Variants in ENOX1 observed in about 807,000 individuals in gnomAD.
ENOX1 encodes the protein candidate growth-related and time keeping constitutive hydroquinone (NADH) oxidase.
In ENOX1, 42 loss-of-function variants were observed where a neutral mutation model predicts 82.5. The observed-to-expected ratio is 0.51, with a 90% CI of 0.40 to 0.66. The LOEUF (loss-of-function observed/expected upper bound fraction) is 0.66. Among genes scored for constraint, ENOX1 ranks in the 30% least tolerant of loss-of-function variants. The pLI is 0.00. For synonymous variants in ENOX1, 271 were observed against 282.2 expected (o/e 0.96, Z 0.40); for missense variants, 608 against 811.6 (o/e 0.75, Z 3.05).
chr13:43,766,764 C>T (rs1951300498), intron 1 of ENOX1, among the ~76,000 whole-genome samples: 1 of 151,968 alleles, frequency 6.6e-6, no homozygotes, highest in Non-Finnish European at 1.5e-5. Flanking sequence ...AAAAACCATC[C>T]AAAAAAATTA....
At chr13:43,278,884 T>A (rs2045218684) in intron 12 of ENOX1, among the ~76,000 whole-genome samples, 1 of 152,192 alleles carries the variant, frequency 6.6e-6, no homozygotes, top group African/African-American at 2.4e-5. Flanking sequence ...AAGAAAAAAA[T>A]TTTAGTCTGC....
At chr13:43,380,176 C>T (rs1298915953) in intron 5 of ENOX1, among the ~76,000 whole-genome samples, 1 of 150,898 alleles carries the variant, frequency 6.6e-6, no homozygotes, top group Admixed American at 6.6e-5. Context: ...AGGAATTCCT[C>T]TAGGCAGAGA....
intron 1 of ENOX1, among the ~76,000 whole-genome samples, chr13:43,748,109 A>G (rs938050576): frequency 6.6e-6 from 1 of 152,226 alleles, no homozygotes; most frequent in Non-Finnish European, 1.5e-5. Flanking sequence ...TTAATGAAGA[A>G]GCATGTATAT....
intron 2 of ENOX1, among the ~76,000 whole-genome samples, chr13:43,659,196 T>C (rs1307237057): frequency 6.6e-6 from 1 of 152,128 alleles, no homozygotes; most frequent in Non-Finnish European, 1.5e-5. Flanking sequence ...TTTTTTCAGA[T>C]TTATTCTTCT....
At chr13:43,234,576 GA>G (rs1314804709) in intron 15 of ENOX1, among the ~76,000 whole-genome samples, 1 of 152,160 alleles carries the variant, frequency 6.6e-6, no homozygotes, top group East Asian at 1.9e-4. Context: ...GACCAACAGT[GA>G]GGGGAAAAGT....
At chr13:43,302,407 C>T (rs2153511373) in intron 11 of ENOX1, among the ~76,000 whole-genome samples, 1 of 152,204 alleles carries the variant, frequency 6.6e-6, no homozygotes, top group East Asian at 1.9e-4. Flanking sequence ...GTAGCATTCA[C>T]AAGAAGCTTA....
intron 2 of ENOX1, among the ~76,000 whole-genome samples, chr13:43,493,653 T>C (rs1467109431): frequency 6.6e-6 from 1 of 152,212 alleles, no homozygotes; most frequent in East Asian, 1.9e-4. Flanking sequence ...TAATCTCTTC[T>C]GGAAACACCT....
At chr13:43,317,079 C>T (rs540129782) in intron 11 of ENOX1, among the ~76,000 whole-genome samples, 2 of 152,330 alleles carry the variant, frequency 1.3e-5, no homozygotes, top group African/African-American at 4.8e-5. Context: ...TCTATGCTTC[C>T]ACTCAACACA....
chr13:43,315,324 G>A (rs2047416950), intron 11 of ENOX1, among the ~76,000 whole-genome samples: 1 of 152,226 alleles, frequency 6.6e-6, no homozygotes, highest in African/African-American at 2.4e-5. Context: ...GCATCTGCTA[G>A]AATCACAGGT....
At chr13:43,384,457 A>G (rs928335185) in intron 5 of ENOX1, among the ~76,000 whole-genome samples, 2 of 152,202 alleles carry the variant, frequency 1.3e-5, no homozygotes, top group African/African-American at 4.8e-5. Flanking sequence ...GCATCTATAT[A>G]TTATCTTATT....
At chr13:43,692,662 C>T (rs2086424816) in intron 1 of ENOX1, among the ~76,000 whole-genome samples, 1 of 152,080 alleles carries the variant, frequency 6.6e-6, no homozygotes, top group South Asian at 2.1e-4. Context: ...ATGACATGAA[C>T]AGGCATACAA....
chr13:43,754,321 GTGTA>G (rs1370614442), intron 1 of ENOX1, among the ~76,000 whole-genome samples: 1 of 61,318 alleles, frequency 1.6e-5, no homozygotes, highest in Admixed American at 2.0e-4. Flanking sequence ...GTGTGTGTGT[GTGTA>G]TATATATATA....
intron 2 of ENOX1, among the ~76,000 whole-genome samples, chr13:43,519,174 A>C (rs2077666893): frequency 6.6e-6 from 1 of 152,166 alleles, no homozygotes; most frequent in Non-Finnish European, 1.5e-5. Context: ...AAGTTTCCCT[A>C]AGAGGTATTG....
intron 3 of ENOX1, among the ~76,000 whole-genome samples, chr13:43,471,831 A>G (rs909633759): frequency 1.3e-5 from 2 of 148,670 alleles, no homozygotes; most frequent in African/African-American, 5.0e-5. Context: ...AAAAAAAAAG[A>G]AAGAAAGAAA....
chr13:43,330,990 G>C (rs2048380163), intron 9 of ENOX1, among the ~76,000 whole-genome samples: 1 of 152,162 alleles, frequency 6.6e-6, no homozygotes, highest in African/African-American at 2.4e-5. Context: ...CTTACTGATA[G>C]AGAACTTTAC....
At chr13:43,474,131 C>G (rs1325100459) in intron 3 of ENOX1, among the ~76,000 whole-genome samples, 1 of 152,156 alleles carries the variant, frequency 6.6e-6, no homozygotes, top group African/African-American at 2.4e-5. Flanking sequence ...ATTCCTTCCA[C>G]TATGTATCAT....
At chr13:43,324,119 A>G (rs921517937) in intron 10 of ENOX1, among the ~76,000 whole-genome samples, 1 of 152,194 alleles carries the variant, frequency 6.6e-6, no homozygotes, top group Non-Finnish European at 1.5e-5. Flanking sequence ...ACCATCAGGC[A>G]TTGGAGGTGG....
intron 1 of ENOX1, among the ~76,000 whole-genome samples, chr13:43,744,334 A>G (rs1043194834): frequency 2.6e-5 from 4 of 152,162 alleles, no homozygotes; most frequent in Non-Finnish European, 5.9e-5. Context: ...AGTTCAGTTC[A>G]AGACCCTAAT....
intron 5 of ENOX1, among the ~76,000 whole-genome samples, chr13:43,371,586 GATTTT>G (rs1160035768): frequency 1.3e-5 from 2 of 152,128 alleles, no homozygotes; most frequent in African/African-American, 4.8e-5. Flanking sequence ...TTAACCTTTT[GATTTT>G]ATTTATCAAC....
Sources: allele counts gnomAD v4.1 joint callset (sites outside exome capture counted in the v4.1 genomes callset), GRCh38; gene constraint gnomAD v4.1.1; transcripts MANE v1.5; gene names NCBI Gene and HGNC (gene_info 2026-07-23, HGNC 2026-07-21).